Variants in SLC11A1 observed in about 807,000 individuals in gnomAD.
SLC11A1 encodes natural resistance-associated macrophage protein 1.
In SLC11A1, 59 loss-of-function variants were observed where a neutral mutation model predicts 63.2. The ratio of observed to expected loss-of-function variants is 0.93; its 90% confidence interval spans 0.76 to 1.16. The LOEUF is 1.16. Among genes scored for constraint, SLC11A1 ranks in the 50% most tolerant of loss-of-function variants. SLC11A1 has a pLI of 0.00. For synonymous variants in SLC11A1, 305 were observed against 307.8 expected (o/e 0.99, Z 0.09); for missense variants, 688 against 730.7 (o/e 0.94, Z 0.67).
At chr2:218,391,558 G>C in intron 11 of SLC11A1, 63 bp downstream of exon 11, 1 of 1,482,190 alleles carries the variant, frequency 6.7e-7, no homozygotes, top group Non-Finnish European at 9.0e-7. Context: ...ACTACTGGGG[G>C]CTAGAACTCC....
intron 2 of SLC11A1, chr2:218,383,395 T>C (rs752842868): frequency 5.5e-6 from 2 of 365,394 alleles, no homozygotes; most frequent in Admixed American, 8.0e-5. Context: ...GGACATGTTA[T>C]AGCATTTAGG....
intron 9 of SLC11A1, 147 bp downstream of exon 9, chr2:218,390,175 A>G: frequency 2.4e-6 from 2 of 850,978 alleles, no homozygotes; most frequent in Non-Finnish European, 3.6e-6. Flanking sequence ...CATTCAGCAA[A>G]TAATCATTGA....
At position 218,387,922 on chromosome 2, in the gene SLC11A1, C is replaced by A. The variant is rs746886993; in HGVS notation, c.762C>A (p.Pro254=). The A allele has an allele frequency of 6.2e-7, 1 of 1,610,876 alleles. No homozygotes were observed. Among genetic ancestry groups the A allele is most frequent in the Non-Finnish European group, 8.5e-7 (1 of 1,178,862 alleles). The change falls in exon 8 of 15, where the codon CCC becomes CCA. Residue 254 remains proline (P), a synonymous_variant. Coordinates refer to ENST00000233202, the MANE Select transcript of SLC11A1 (RefSeq NM_000578.4). ...GCATTGTTGGCGCCATCATCATGCC[C>A]CACAACATCTACCTGCACTCGGCCC... ...AVGIVGAIIM[P]HNIYLHSALV...
intron 12 of SLC11A1, 101 bp downstream of exon 12, chr2:218,393,231 C>T (rs759217015): frequency 3.9e-5 from 47 of 1,210,484 alleles, no homozygotes; most frequent in Non-Finnish European, 5.0e-5. Context: ...AGGCCCTGTC[C>T]CAGGCACATC....
chr2:218,394,681 A>AAG lies in SLC11A1; in HGVS notation c.1439_1440insGA (p.Asn480LysfsTer85), dbSNP rs1465562415. 4 of 1,614,064 alleles carry AAG rather than the reference A, an allele frequency of 2.5e-6. No individual in the cohort carries two copies. The East Asian group carries it at 8.9e-5, about 36-fold the overall frequency. On this transcript the variant is annotated frameshift_variant, in exon 14 of 15. Coordinates refer to ENST00000233202, the MANE Select transcript of SLC11A1 (RefSeq NM_000578.4). LOFTEE classifies it high-confidence loss of function. ...CATCATGGTGCTAGTCTGCGCCATC[A>AAG]ACCTCTACTTCGTGGTCAGCTATCT...
intron 12 of SLC11A1, 144 bp downstream of exon 12, chr2:218,393,274 A>C: frequency 2.5e-6 from 2 of 786,176 alleles, no homozygotes; most frequent in Non-Finnish European, 3.7e-6. Context: ...CCCCACAGCC[A>C]CCCTGGGGGG....
rs1003777205 is a variant in SLC11A1 at position 218,389,891 on chromosome 2, C to T, written c.817C>T (p.Arg273Cys). The stretch of plus-strand genomic sequence containing the variant: ...GTAGTCTCGAGAGATAGACCGGGCC[C>T]GCCGAGCAGACATCAGAGAAGCCAA... ...LVKSREIDRA[R>C]RADIREANMY... Residue 273 changes from arginine (R) to cysteine (C), a missense_variant, in exon 9 of 15, where the codon CGC becomes TGC. Transcript: ENST00000233202. 14 of 1,612,668 alleles carry T rather than the reference C, an allele frequency of 8.7e-6. No individual in the cohort carries two copies. The highest frequency in any genetic ancestry group is 3.3e-5 in the Admixed American group (2 of 59,832).
chr2:218,395,221 T>G lies in SLC11A1; in HGVS notation c.*186T>G, dbSNP rs1421579265. On this transcript the variant is annotated 3_prime_UTR_variant, in exon 15 of 15. Transcript: ENST00000233202. ...TACCCTCTGGGTCTCAGTGTCCTCA[T>G]CTGTAAAATGGAGACACCACCACCC... 1.7e-6 allele frequency: 1 copy of G among 589,344 alleles called. No individual in the cohort carries two copies. 36.5% of individuals were successfully genotyped at this position (589,344 alleles called of 1,614,324 possible). A position where few individuals can be genotyped will look rare whatever the true frequency, so the allele number is the denominator to read the frequency against.
In SLC11A1 at chr2:218,389,999, G is replaced by A. The variant is rs529483125; in HGVS notation, c.925G>A (p.Ala309Thr). ...NLFVMAVFGQ[A>T]FYQKTNQAAF... The stretch of plus-strand genomic sequence containing the variant: ...CTTTGTCATGGCTGTCTTTGGGCAG[G>A]CCTTCTACCAGAAAACCAACCAGGC... The change falls in exon 9 of 15, where the codon GCC (alanine) becomes ACC (threonine). Residue 309 changes from alanine to threonine, a missense_variant. Transcript: ENST00000233202. 1.9e-6 allele frequency: 3 copies of A among 1,613,070 alleles called. No individual in the cohort carries two copies. The highest frequency in any genetic ancestry group is 1.3e-5 in the African/African-American group (1 of 74,958).
intron 7 of SLC11A1, 75 bp downstream of exon 7, chr2:218,387,707 G>A (rs1243735159): frequency 3.1e-6 from 5 of 1,611,712 alleles, no homozygotes; most frequent in Non-Finnish European, 3.4e-6. Context: ...GCCGCGGGCT[G>A]CGGGGGGCTG....
intron 9 of SLC11A1, 77 bp from the exon 10 acceptor site, chr2:218,391,121 G>A (rs1049286171): frequency 7.7e-7 from 1 of 1,298,832 alleles, no homozygotes; most frequent in African/African-American, 1.5e-5. Context: ...TGGAACCCTG[G>A]TCAGTGCTAG....
chr2:218,388,212 A>G, intron 8 of SLC11A1: 1 of 429,694 alleles, frequency 2.3e-6, no homozygotes, highest in Non-Finnish European at 4.1e-6. Flanking sequence ...TACTAAAAAT[A>G]CAAAAACTAG....
At position 218,394,683 on chromosome 2, in the gene SLC11A1, C is replaced by A; in HGVS notation, c.1440C>A (p.Asn480Lys). ...TCATGGTGCTAGTCTGCGCCATCAA[C>A]CTCTACTTCGTGGTCAGCTATCTGC... is the stretch of plus-strand genomic sequence containing the variant. ...SSIMVLVCAINLYFVVSYLPS... is the reference protein window; with the variant it reads ...SSIMVLVCAIKLYFVVSYLPS... The change falls in exon 14 of 15, where the codon AAC becomes AAA. Residue 480 changes from asparagine (N) to lysine (K), a missense_variant. By Grantham distance (94) the Asn-to-Lys change is moderately conservative. Coordinates refer to ENST00000233202, the MANE Select transcript of SLC11A1 (RefSeq NM_000578.4). The A allele has an allele frequency of 6.2e-7, 1 of 1,614,128 alleles. No homozygotes were observed. Among genetic ancestry groups the A allele is most frequent in the Non-Finnish European group, 8.5e-7 (1 of 1,180,038 alleles).
chr2:218,387,229 C>G lies in SLC11A1; in HGVS notation c.570C>G (p.Tyr190Ter), dbSNP rs1010973106. The G allele has an allele frequency of 1.9e-6, 3 of 1,612,388 alleles. No individual in the cohort carries two copies. The highest frequency in any genetic ancestry group is 2.5e-6 in the Non-Finnish European group (3 of 1,179,050). Residue 190 changes from tyrosine to a stop codon, truncating the protein, a stop_gained and splice_region_variant, in exon 6 of 15, where the codon TAC (tyrosine) becomes TAG (stop). Coordinates refer to ENST00000233202, the MANE Select transcript of SLC11A1 (RefSeq NM_000578.4). LOFTEE classifies it high-confidence loss of function. ...DTFFFLFLDN[Y>*]GLRKLEAFFG... ...TCTTCTTCCTCTTCCTCGATAACTA[C>G]GGTGGGTGCACACCCCACCTCATAG...
chr2:218,392,035 C>T lies in SLC11A1; in HGVS notation c.1164+540C>T, dbSNP rs140092523. The T allele has an allele frequency of 1.7e-3, 598 of 355,406 alleles. 5 individuals carry two copies. The highest frequency in any genetic ancestry group is 0.012 in the African/African-American group (548 of 45,730). The allele number at this position is 355,406 out of a possible 1,614,324, so 22.0% of individuals were successfully genotyped here. On this transcript the variant is annotated intron_variant, in intron 11 of 14. Coordinates refer to ENST00000233202, the MANE Select transcript of SLC11A1 (RefSeq NM_000578.4). ...ACTCCTGAAGTGCTGGGATTATAGG[C>T]GTGAGCCACTGCGTCCGGCCTTTTC... is the stretch of plus-strand genomic sequence containing the variant.
In SLC11A1 at chr2:218,394,138, C is replaced by T. The variant is rs1696615009; in HGVS notation, c.1333C>T (p.Pro445Ser). 2 of 1,614,012 alleles carry T rather than the reference C, an allele frequency of 1.2e-6. No homozygotes were observed. The highest frequency in any genetic ancestry group is 2.2e-5 in the South Asian group (2 of 91,080). Residue 445 changes from proline to serine, a missense_variant, in exon 13 of 15, where the codon CCC (proline) becomes TCC (serine). Coordinates refer to ENST00000233202, the MANE Select transcript of SLC11A1 (RefSeq NM_000578.4). ...QSLLLPFAVL[P>S]ILTFTSMPTL... ...TCCCCAGCTCCCGTTCGCCGTGCTG[C>T]CCATCCTCACGTTCACCAGCATGCC...
chr2:218,394,546 A>G, intron 13 of SLC11A1, 86 bp from the exon 14 acceptor site: 1 of 1,443,612 alleles, frequency 6.9e-7, no homozygotes. Context: ...CCCCACCCCC[A>G]GTGTGGGCGC....
intron 11 of SLC11A1, chr2:218,391,998 C>T (rs756227163): frequency 2.5e-5 from 7 of 280,238 alleles, no homozygotes; most frequent in East Asian, 1.3e-4. Context: ...CCTCGTGATC[C>T]GCCCGCCTTG....
At chr2:218,383,703 C>T (rs1327506073) in intron 2 of SLC11A1, 1 of 152,674 alleles carries the variant, frequency 6.5e-6, no homozygotes, top group African/African-American at 2.4e-5. Context: ...TGGTCTCAAA[C>T]TCCTTAGCTC....
Sources: allele counts gnomAD v4.1 joint callset, GRCh38; gene constraint gnomAD v4.1.1; transcripts MANE v1.5; gene names NCBI Gene and HGNC (gene_info 2026-07-23, HGNC 2026-07-21).